LOXHD1: variants seen among roughly 807,000 people sequenced by gnomAD.
The protein encoded by LOXHD1 is lipoxygenase homology PLAT domains 1.
In LOXHD1, 205 loss-of-function variants were observed where a neutral mutation model predicts 248.2. The observed-to-expected ratio is 0.83, with a 90% CI of 0.74 to 0.93. LOXHD1 has a LOEUF of 0.93. Ranked by LOEUF, LOXHD1 falls within the 40% of genes least tolerant of loss-of-function variation. The pLI is 0.00. For synonymous variants in LOXHD1, 1,113 were observed against 1,162.8 expected (o/e 0.96, Z 0.87); for missense variants, 2,930 against 2,971.6 (o/e 0.99, Z 0.33).
intron 1 of LOXHD1, among the ~76,000 whole-genome samples, chr18:46,650,151 T>C (rs1223959855): frequency 6.6e-6 from 1 of 152,162 alleles, no homozygotes; most frequent in African/African-American, 2.4e-5. Context: ...CTCCCTGTCC[T>C]TCTGCTACTC....
At chr18:46,497,018 C>CA (rs1486274983) in intron 37 of LOXHD1, among the ~76,000 whole-genome samples, 5 of 151,960 alleles carry the variant, frequency 3.3e-5, no homozygotes, top group Admixed American at 2.6e-4. Flanking sequence ...TGAAATAAAA[C>CA]AAAAAAATAA....
At chr18:46,571,168 G>A (rs1372422758) in intron 15 of LOXHD1, among the ~76,000 whole-genome samples, 1 of 152,196 alleles carries the variant, frequency 6.6e-6, no homozygotes, top group Non-Finnish European at 1.5e-5. Flanking sequence ...GAAGAGGTCA[G>A]ATACAAATAT....
At chr18:46,572,617 G>C (rs149725828) in intron 14 of LOXHD1, among the ~76,000 whole-genome samples, 3,126 of 152,260 alleles carry the variant, frequency 0.021, 131 homozygotes, top group African/African-American at 0.07. Context: ...TCAAAAGTCT[G>C]TCCTGAAAGC....
chr18:46,523,795 C>A lies in LOXHD1; in HGVS notation c.4876+671G>T, dbSNP rs952971791. On this transcript the variant is annotated intron_variant, in intron 31 of 40. Transcript: ENST00000642948. ...GTACTTTCTTGGTGGTCCTATCACT[C>A]ATTTACAGAGTGAAAAGGTAAACTG... Among the ~76,000 whole-genome samples, 117 of 152,060 alleles carry A rather than the reference C, an allele frequency of 7.7e-4. 1 individual carries two copies. The highest frequency in any genetic ancestry group is 2.7e-3 in the African/African-American group (111 of 41,474).
intron 37 of LOXHD1, among the ~76,000 whole-genome samples, chr18:46,505,482 A>G (rs904768765): frequency 6.6e-5 from 10 of 152,182 alleles, no homozygotes; most frequent in South Asian, 2.1e-4. Flanking sequence ...TGCACCCGGC[A>G]CAAACATAAT....
rs769472545 is a variant in LOXHD1 at position 46,604,225 on chromosome 18, A to T, written c.764T>A (p.Val255Asp). The T allele has an allele frequency of 1.5e-5, 23 of 1,551,568 alleles. No individual in the cohort carries two copies. The highest frequency in any genetic ancestry group is 8.2e-5 in the African/African-American group (6 of 73,046). ...TCTTTTGTTCCCAATATCTTCAATG[A>T]CTATCTGGGAAGGAGAAGAGGGGAC... ...GSAGWFLSQI[V>D]IEDIGNKRKY... Residue 255 changes from valine (V) to aspartate (D), a missense_variant, in exon 7 of 41, where the codon GTC (valine) becomes GAC (aspartate). By Grantham distance (152) the Val-to-Asp change is radical (BLOSUM62 -3). Coordinates refer to ENST00000642948, the MANE Select transcript of LOXHD1 (RefSeq NM_001384474.1).
intron 19 of LOXHD1, 85 bp from the exon 20 acceptor site, chr18:46,559,687 G>T: frequency 7.0e-7 from 1 of 1,424,572 alleles, no homozygotes; most frequent in Non-Finnish European, 9.6e-7. Context: ...GATCCAGCCA[G>T]ATCCTAGAAC....
intron 21 of LOXHD1, among the ~76,000 whole-genome samples, chr18:46,554,385 A>G (rs1447999790): frequency 6.6e-6 from 1 of 152,156 alleles, no homozygotes; most frequent in Non-Finnish European, 1.5e-5. Flanking sequence ...CAGAGCTCAT[A>G]AAGGTCATGG....
At chr18:46,545,500 C>A in intron 22 of LOXHD1, 79 bp from the exon 23 acceptor site, 1 of 1,040,186 alleles carries the variant, frequency 9.6e-7, no homozygotes, top group South Asian at 1.4e-5. Context: ...GCCACCTCCT[C>A]TAGAAGGGCT....
At chr18:46,519,157 C>G (rs377726566) in intron 33 of LOXHD1, 2 of 938,002 alleles carry the variant, frequency 2.1e-6, no homozygotes, top group East Asian at 1.2e-4. Context: ...TTACTCCCTT[C>G]CTTCTCACCA....
intron 37 of LOXHD1, 150 bp from the exon 38 acceptor site, chr18:46,489,292 G>A (rs941261977): frequency 2.5e-6 from 2 of 810,280 alleles, no homozygotes; most frequent in South Asian, 1.7e-5. Flanking sequence ...AAAGTGAGGG[G>A]TTGGGTTAGG....
chr18:46,486,515 G>C (rs1352232906), intron 38 of LOXHD1, among the ~76,000 whole-genome samples: 1 of 152,162 alleles, frequency 6.6e-6, no homozygotes, highest in Non-Finnish European at 1.5e-5. Flanking sequence ...GCAGTAGGGA[G>C]GGGTTCTGCA....
intron 37 of LOXHD1, among the ~76,000 whole-genome samples, chr18:46,497,774 A>G (rs185075340): frequency 1.3e-5 from 2 of 152,372 alleles, no homozygotes; most frequent in Admixed American, 6.5e-5. Flanking sequence ...GACAGAATAC[A>G]CATGTAGTTA....
At chr18:46,573,557 G>T (rs777237146) in intron 14 of LOXHD1, among the ~76,000 whole-genome samples, 7 of 152,184 alleles carry the variant, frequency 4.6e-5, no homozygotes, top group Non-Finnish European at 8.8e-5. Context: ...CCTACTGAGA[G>T]GGAGGCAACT....
intron 1 of LOXHD1, among the ~76,000 whole-genome samples, chr18:46,650,929 G>A (rs1011980753): frequency 1.3e-5 from 2 of 152,268 alleles, no homozygotes; most frequent in South Asian, 2.1e-4. Flanking sequence ...ACACCTGAAC[G>A]ATCTTACCTG....
chr18:46,567,354 T>A (rs2037663397), intron 16 of LOXHD1, among the ~76,000 whole-genome samples: 1 of 152,320 alleles, frequency 6.6e-6, no homozygotes, highest in African/African-American at 2.4e-5. Flanking sequence ...CTCTTCTGAG[T>A]CCTAAGTGCC....
At chr18:46,593,985 C>T (rs1015955983) in intron 9 of LOXHD1, among the ~76,000 whole-genome samples, 2 of 152,104 alleles carry the variant, frequency 1.3e-5, no homozygotes. Context: ...AAAGTGTATT[C>T]GTATGTTTTA....
chr18:46,521,954 C>T (rs2035596454), intron 32 of LOXHD1, 147 bp downstream of exon 32: 2 of 638,748 alleles, frequency 3.1e-6, no homozygotes, highest in Non-Finnish European at 5.2e-6. Flanking sequence ...AGTCACCTGG[C>T]TAGTTGGTTC....
chr18:46,637,802 A>G (rs1309122506), intron 4 of LOXHD1, among the ~76,000 whole-genome samples: 2 of 152,208 alleles, frequency 1.3e-5, no homozygotes, highest in African/African-American at 2.4e-5. Flanking sequence ...CACAGCTGGT[A>G]ATACTGTGCA....
Sources: allele counts gnomAD v4.1 joint callset (sites outside exome capture counted in the v4.1 genomes callset), GRCh38; gene constraint gnomAD v4.1.1; transcripts MANE v1.5; gene names NCBI Gene and HGNC (gene_info 2026-07-23, HGNC 2026-07-21).